NR3C1: variants seen among roughly 807,000 people sequenced by gnomAD.
NR3C1 encodes the protein glucocorticoid receptor.
In NR3C1, 14 loss-of-function variants were observed where a neutral mutation model predicts 74.0. The ratio of observed to expected loss-of-function variants is 0.19; its 90% CI spans 0.12 to 0.30. The LOEUF (loss-of-function observed/expected upper bound fraction) is 0.30, where lower values mean the gene tolerates loss of function less well. Among genes scored for constraint, NR3C1 ranks in the 10% least tolerant of loss-of-function variants. The pLI is 1.00. For missense variants in NR3C1, 695 were observed against 909.8 expected, an observed-to-expected ratio of 0.76 and a Z score of 3.04; for synonymous variants, 308 against 332.5, an observed-to-expected ratio of 0.93 and a Z score of 0.80.
chr5:143,295,010 T>C lies in NR3C1; in HGVS notation c.2023+450A>G, dbSNP rs1240054012. The C allele has an allele frequency of 3.0e-6, 3 of 985,282 alleles. No homozygotes were observed. In the African/African-American group the frequency reaches 5.2e-5, roughly 17 times the overall value. The allele number at this position is 985,282 out of a possible 1,614,324, so 61.0% of individuals were successfully genotyped here. On this transcript the variant is annotated intron_variant, in intron 7 of 8. Transcript: ENST00000394464. Reference sequence around the variant, plus strand: ...CCAGCTCCCATGCTATGTTAACCAATCCCCAATAGTAATTAAGCACACCTT... The same window carrying C: ...CCAGCTCCCATGCTATGTTAACCAACCCCCAATAGTAATTAAGCACACCTT...
At chr5:143,301,459 T>C (rs1818472306) in intron 4 of NR3C1, among the ~76,000 whole-genome samples, 1 of 152,148 alleles carries the variant, frequency 6.6e-6, no homozygotes, top group African/African-American at 2.4e-5. Context: ...GAAATTTCCC[T>C]TTTATAAGGA....
At chr5:143,303,071 A>G (rs997715343) in intron 4 of NR3C1, among the ~76,000 whole-genome samples, 4 of 152,230 alleles carry the variant, frequency 2.6e-5, no homozygotes, top group Middle Eastern at 3.4e-3. Flanking sequence ...GAAGACCCAA[A>G]TAAGCACAAT....
At chr5:143,368,048 C>T (rs1833567849) in intron 2 of NR3C1, among the ~76,000 whole-genome samples, 1 of 152,136 alleles carries the variant, frequency 6.6e-6, no homozygotes, top group South Asian at 2.1e-4. Flanking sequence ...TAAGATTAGA[C>T]ATACAGACTC....
At chr5:143,428,578 A>C (rs1191562954) in intron 1 of NR3C1, among the ~76,000 whole-genome samples, 4 of 152,186 alleles carry the variant, frequency 2.6e-5, no homozygotes, top group Non-Finnish European at 5.9e-5. Context: ...AAGTTTGGTA[A>C]CATTTTATTG....
chr5:143,300,908 A>C lies in NR3C1; in HGVS notation c.1469-145T>G. The C allele has an allele frequency of 1.0e-6, 1 of 979,156 alleles. No homozygotes were observed. The allele number at this position is 979,156 out of a possible 1,614,324, so 60.7% of individuals were successfully genotyped here. ...TAGCAATTATGATAAAGTGACATGG[A>C]AAAGGAGAAAAAACTTTTTTTTTTC... On this transcript the variant is annotated intron_variant, in intron 4 of 8. Coordinates refer to ENST00000394464, the MANE Select transcript of NR3C1 (RefSeq NM_000176.3). This position sits in a 1 kb window ranked among gnomAD's most constrained non-coding sequence, Gnocchi z 5.2.
At chr5:143,325,209 T>TA (rs1193513119) in intron 2 of NR3C1, among the ~76,000 whole-genome samples, 1 of 152,188 alleles carries the variant, frequency 6.6e-6, no homozygotes, top group Non-Finnish European at 1.5e-5. Context: ...TAATTGGACT[T>TA]AGAGTTCCAC....
intron 2 of NR3C1, among the ~76,000 whole-genome samples, chr5:143,347,169 G>A (rs1829441595): frequency 1.3e-5 from 2 of 152,166 alleles, no homozygotes; most frequent in South Asian, 4.1e-4. Flanking sequence ...AATTATTGCA[G>A]TTTATTCAAA....
chr5:143,326,544 A>G lies in NR3C1; in HGVS notation c.1185-12376T>C, dbSNP rs551874498. Reference sequence around the variant, plus strand: ...ATGAAGACTACATTTCAAAAATACAAAAGTATAAATAGGAGTGTTTTGTAT... The same window carrying G: ...ATGAAGACTACATTTCAAAAATACAGAAGTATAAATAGGAGTGTTTTGTAT... On this transcript the variant is annotated intron_variant, in intron 2 of 8. Coordinates refer to ENST00000394464, the MANE Select transcript of NR3C1 (RefSeq NM_000176.3). Among the ~76,000 whole-genome samples the G allele has an allele frequency of 2.5e-3, 385 of 152,336 alleles. 2 individuals carry two copies. Among genetic ancestry groups the G allele is most frequent in the African/African-American group, 8.9e-3 (369 of 41,578 alleles).
chr5:143,283,359 TA>T (rs1041621343), intron 7 of NR3C1, among the ~76,000 whole-genome samples: 15 of 152,192 alleles, frequency 9.9e-5, no homozygotes, highest in African/African-American at 3.4e-4. Context: ...TTCTCATCTA[TA>T]AAATGGAAGT....
intron 3 of NR3C1, among the ~76,000 whole-genome samples, chr5:143,313,004 A>G (rs1821297327): frequency 6.6e-6 from 1 of 152,240 alleles, no homozygotes; most frequent in East Asian, 1.9e-4. Flanking sequence ...TAATGTATTA[A>G]AAAGTAAAAC....
chr5:143,317,510 A>G (rs1005627974), intron 2 of NR3C1, among the ~76,000 whole-genome samples: 3 of 152,158 alleles, frequency 2.0e-5, no homozygotes, highest in Admixed American at 2.0e-4. Flanking sequence ...AACCCTTGGA[A>G]CAAAATGCCT....
In NR3C1 at chr5:143,279,164, T is replaced by A; in HGVS notation, c.*2725A>T. ...ACAGCACCACCATATAGCACTTAAA[T>A]CCACAATTAAACATAATTAAGATGA... On this transcript the variant is annotated 3_prime_UTR_variant, in exon 9 of 9. Transcript: ENST00000394464. 1.6e-6 allele frequency: 1 copy of A among 607,724 alleles called. No homozygotes were observed. The highest frequency in any genetic ancestry group is 2.4e-5 in the South Asian group (1 of 41,926). 37.6% of individuals were successfully genotyped at this position (607,724 alleles called of 1,614,324 possible). A position where few individuals can be genotyped will look rare whatever the true frequency, so the allele number is the denominator to read the frequency against.
At chr5:143,364,194 T>C (rs1240336829) in intron 2 of NR3C1, among the ~76,000 whole-genome samples, 5 of 152,190 alleles carry the variant, frequency 3.3e-5, no homozygotes, top group African/African-American at 1.2e-4. Context: ...TAACAGTTGA[T>C]TCCTTATCAG....
At chr5:143,319,160 T>C (rs1239180424) in intron 2 of NR3C1, among the ~76,000 whole-genome samples, 1 of 152,194 alleles carries the variant, frequency 6.6e-6, no homozygotes, top group Non-Finnish European at 1.5e-5. Flanking sequence ...ATTCATAACC[T>C]AATTCTACAA....
chr5:143,279,123 A>C lies in NR3C1; in HGVS notation c.*2766T>G, dbSNP rs1410379302. The C allele has an allele frequency of 4.0e-6, 2 of 494,572 alleles. No homozygotes were observed. Among genetic ancestry groups the C allele is most frequent in the African/African-American group, 4.1e-5 (2 of 48,754 alleles). 30.6% of individuals were successfully genotyped at this position (494,572 alleles called of 1,614,324 possible). ...TGGCCAGATAACACATACATAGGAA[A>C]TAAATCTGCTTTCAAACAGCACCAC... On this transcript the variant is annotated 3_prime_UTR_variant, in exon 9 of 9. Coordinates refer to ENST00000394464, the MANE Select transcript of NR3C1 (RefSeq NM_000176.3).
At chr5:143,345,455 C>G (rs975099326) in intron 2 of NR3C1, among the ~76,000 whole-genome samples, 1 of 152,212 alleles carries the variant, frequency 6.6e-6, no homozygotes, top group African/African-American at 2.4e-5. Flanking sequence ...AGTGACCCGC[C>G]TGCCTTGGCC....
At chr5:143,374,733 AC>A (rs1030848471) in intron 2 of NR3C1, among the ~76,000 whole-genome samples, 5 of 152,114 alleles carry the variant, frequency 3.3e-5, no homozygotes, top group Non-Finnish European at 5.9e-5. Context: ...TCAACACTTC[AC>A]CTTGCCAGGC....
At chr5:143,354,922 C>CAAA (rs60607518) in intron 2 of NR3C1, among the ~76,000 whole-genome samples, 1 of 48,962 alleles carries the variant, frequency 2.0e-5, no homozygotes, top group East Asian at 5.8e-4. Flanking sequence ...AAGTCCGTCT[C>CAAA]AAAAAAAAAA....
chr5:143,433,464 A>AAATTATTTATTTAAAT (rs1716663293), intron 1 of NR3C1, among the ~76,000 whole-genome samples: 1 of 146,472 alleles, frequency 6.8e-6, no homozygotes, highest in African/African-American at 2.5e-5. Flanking sequence ...ATATATATAT[A>AAATTATTTATTTAAAT]TATATATTTA....
Sources: gnomAD v4.1 joint callset for allele counts (sites outside exome capture counted in the v4.1 genomes callset) on GRCh38, gnomAD v4.1.1 for gene constraint, Gnocchi (gnomAD v3.1) non-coding constraint, MANE v1.5 for transcripts, NCBI Gene and HGNC (gene_info 2026-07-23, HGNC 2026-07-21) for gene names.